The following GRIN2A variants were observed in gnomAD, a reference collection of about 807,000 sequenced individuals.
The protein encoded by GRIN2A is glutamate ionotropic receptor NMDA type subunit 2A.
In GRIN2A, 22 loss-of-function variants were observed where a neutral mutation model predicts 113.4. The ratio of observed to expected loss-of-function variants is 0.19; its 90% confidence interval spans 0.14 to 0.28. The LOEUF (loss-of-function observed/expected upper bound fraction) is 0.28. GRIN2A is among the 10% of genes least tolerant of loss of function. The pLI is 1.00. For synonymous variants in GRIN2A, 827 were observed against 738.4 expected (o/e 1.12, Z -1.94); for missense variants, 1,502 against 1,887.0 (o/e 0.80, Z 3.78).
chr16:9,991,957 C>T (rs557057977), intron 2 of GRIN2A, among the ~76,000 whole-genome samples: 2 of 152,202 alleles, frequency 1.3e-5, no homozygotes, highest in East Asian at 1.9e-4. Flanking sequence ...GCATGCGGGG[C>T]TTAAAACCTA....
At chr16:10,084,873 T>C (rs2048056839) in intron 2 of GRIN2A, among the ~76,000 whole-genome samples, 1 of 152,188 alleles carries the variant, frequency 6.6e-6, no homozygotes, top group Non-Finnish European at 1.5e-5. Flanking sequence ...TGATACATAG[T>C]AGACAACAGT....
At chr16:10,003,062 G>C (rs1055614875) in intron 2 of GRIN2A, among the ~76,000 whole-genome samples, 1 of 152,204 alleles carries the variant, frequency 6.6e-6, no homozygotes, top group African/African-American at 2.4e-5. Context: ...ATGGACAGTA[G>C]AACTCAAACT....
chr16:9,786,084 A>C (rs1053751476), intron 11 of GRIN2A, among the ~76,000 whole-genome samples: 1 of 152,186 alleles, frequency 6.6e-6, no homozygotes, highest in African/African-American at 2.4e-5. Context: ...CCCAACTGTG[A>C]TTTCTGCCTT....
At chr16:10,159,871 G>A (rs1483810044) in intron 2 of GRIN2A, among the ~76,000 whole-genome samples, 2 of 152,180 alleles carry the variant, frequency 1.3e-5, no homozygotes. Context: ...CCCACCCAAA[G>A]AAGGCCAGAT....
intron 2 of GRIN2A, among the ~76,000 whole-genome samples, chr16:10,050,874 C>T (rs916759675): frequency 6.6e-6 from 1 of 151,994 alleles, no homozygotes; most frequent in Non-Finnish European, 1.5e-5. Context: ...TTGATTTTAA[C>T]CCAGTGAAAC....
chr16:9,965,313 T>C (rs1242497389), intron 2 of GRIN2A, among the ~76,000 whole-genome samples: 2 of 152,174 alleles, frequency 1.3e-5, no homozygotes, highest in East Asian at 1.9e-4. Flanking sequence ...GGCTACAGCC[T>C]GGTGGTAAAC....
intron 4 of GRIN2A, among the ~76,000 whole-genome samples, chr16:9,863,583 T>G (rs1455378076): frequency 1.3e-5 from 2 of 152,150 alleles, no homozygotes; most frequent in Admixed American, 6.5e-5. Context: ...GAACAGCAGA[T>G]CAGGCAGAGA....
At chr16:9,935,568 C>A (rs1299504984) in intron 3 of GRIN2A, among the ~76,000 whole-genome samples, 1 of 146,742 alleles carries the variant, frequency 6.8e-6, no homozygotes, top group African/African-American at 2.5e-5. Flanking sequence ...ACTCCTCCAG[C>A]CCCAGTTCAG....
At chr16:9,959,883 G>A (rs1266628884) in intron 2 of GRIN2A, among the ~76,000 whole-genome samples, 1 of 152,216 alleles carries the variant, frequency 6.6e-6, no homozygotes, top group Non-Finnish European at 1.5e-5. Flanking sequence ...TGAAGCAACA[G>A]AATCGCTTGA....
chr16:10,117,598 G>C (rs2048750885), intron 2 of GRIN2A, among the ~76,000 whole-genome samples: 1 of 152,206 alleles, frequency 6.6e-6, no homozygotes, highest in Admixed American at 6.5e-5. Context: ...TCCTGGACCA[G>C]ATAACCATCC....
At chr16:10,061,879 A>C (rs1188558032) in intron 2 of GRIN2A, among the ~76,000 whole-genome samples, 1 of 152,220 alleles carries the variant, frequency 6.6e-6, no homozygotes, top group Non-Finnish European at 1.5e-5. Context: ...AGGCCAATCG[A>C]ACTCAGCAGC....
At chr16:10,016,116 CAAAAAAAAAAAA>C (rs140929988) in intron 2 of GRIN2A, among the ~76,000 whole-genome samples, 1 of 66,314 alleles carries the variant, frequency 1.5e-5, no homozygotes, top group African/African-American at 6.6e-5. Context: ...AACTCCATCT[CAAAAAAAAAAAA>C]AAAAAAAAAA....
At chr16:9,894,990 C>T (rs369227159) in intron 3 of GRIN2A, among the ~76,000 whole-genome samples, 18 of 152,286 alleles carry the variant, frequency 1.2e-4, no homozygotes, top group African/African-American at 3.6e-4. Context: ...TTCATTAATA[C>T]GTTCATCCAT....
intron 2 of GRIN2A, among the ~76,000 whole-genome samples, chr16:10,144,388 T>C (rs1186929407): frequency 6.6e-6 from 1 of 152,232 alleles, no homozygotes; most frequent in Admixed American, 6.5e-5. Context: ...GTTGTGGTTT[T>C]GTGTTGCATC....
intron 4 of GRIN2A, among the ~76,000 whole-genome samples, chr16:9,857,662 G>A (rs780359908): frequency 1.3e-5 from 2 of 152,146 alleles, no homozygotes; most frequent in Non-Finnish European, 2.9e-5. Context: ...TGAAAAGTAG[G>A]ATGATGTTAA....
At chr16:9,790,070 T>G (rs1902512587) in intron 11 of GRIN2A, among the ~76,000 whole-genome samples, 1 of 152,214 alleles carries the variant, frequency 6.6e-6, no homozygotes, top group African/African-American at 2.4e-5. Flanking sequence ...TTGTTTCTCC[T>G]GTCTTGCCTC....
chr16:10,087,561 A>G (rs995109014), intron 2 of GRIN2A, among the ~76,000 whole-genome samples: 2 of 152,274 alleles, frequency 1.3e-5, no homozygotes, highest in Admixed American at 1.3e-4. Flanking sequence ...ATCAACTTTC[A>G]TAAACAACTC....
intron 2 of GRIN2A, among the ~76,000 whole-genome samples, chr16:10,109,284 T>C (rs2048562253): frequency 1.3e-5 from 2 of 150,680 alleles, no homozygotes; most frequent in African/African-American, 2.5e-5. Context: ...TTTAAAACCC[T>C]CCCACAAAGT....
chr16:10,040,642 CATACACACACAA>C (rs1317453929), intron 2 of GRIN2A, among the ~76,000 whole-genome samples: 4 of 151,728 alleles, frequency 2.6e-5, no homozygotes, highest in Admixed American at 6.6e-5. Context: ...ATACACATAG[CATACACACACAA>C]ATACACACAC....
Sources: gnomAD v4.1 joint callset for allele counts (sites outside exome capture counted in the v4.1 genomes callset) on GRCh38, gnomAD v4.1.1 for gene constraint, MANE v1.5 for transcripts, NCBI Gene and HGNC (gene_info 2026-07-23, HGNC 2026-07-21) for gene names.